Variants in ABCC6 observed in about 807,000 individuals in gnomAD.
The protein encoded by ABCC6 is ATP-binding cassette sub-family C member 6.
A neutral mutation model predicts 169.5 loss-of-function variants in ABCC6; 126 were observed. The ratio of observed to expected loss-of-function variants is 0.74; its 90% CI spans 0.64 to 0.86. The LOEUF (loss-of-function observed/expected upper bound fraction) is 0.86. Ranked by LOEUF, ABCC6 falls within the 40% of genes least tolerant of loss-of-function variation. ABCC6 has a pLI of 0.00. For missense variants in ABCC6, 1,733 were observed against 1,927.2 expected (o/e 0.90, Z 1.89); for synonymous variants, 752 against 814.7 (o/e 0.92, Z 1.31).
Position 16,186,882 on chromosome 16 carries a change from G to A in ABCC6, c.1867+242C>T, listed in dbSNP as rs376045296. 3.3e-5 allele frequency among the ~76,000 whole-genome samples: 5 copies of A among 152,124 alleles called. No homozygotes were observed. The South Asian group carries it at 1.0e-3, about 32-fold the overall frequency. ...GGACCACTGTGTTAGAGTGTTCCCT[G>A]TTGTACACCCAGGATGGTACAAAGT... On this transcript the variant is annotated intron_variant, in intron 14 of 30. Coordinates refer to ENST00000205557, the MANE Select transcript of ABCC6 (RefSeq NM_001171.6).
intron 13 of ABCC6, among the ~76,000 whole-genome samples, chr16:16,187,684 C>T (rs1214810814): frequency 6.6e-6 from 1 of 152,044 alleles, no homozygotes; most frequent in African/African-American, 2.4e-5. Flanking sequence ...TCACTTGAGG[C>T]CAGGAGTTGG....
chr16:16,164,108 G>T (rs1036877744), intron 23 of ABCC6, among the ~76,000 whole-genome samples: 2 of 151,874 alleles, frequency 1.3e-5, no homozygotes, highest in East Asian at 1.9e-4. Flanking sequence ...ATCTCAGCTC[G>T]CTGCAACCTC....
chr16:16,161,593 T>C, intron 24 of ABCC6, 29 bp from the exon 25 acceptor site: 1 of 1,613,340 alleles, frequency 6.2e-7, no homozygotes, highest in African/African-American at 1.3e-5. Flanking sequence ...GCAGGGTGAG[T>C]GGTTACTCTC....
chr16:16,178,995 G>A, intron 17 of ABCC6, 30 bp from the exon 18 acceptor site: 1 of 1,608,530 alleles, frequency 6.2e-7, no homozygotes, highest in Non-Finnish European at 8.5e-7. Context: ...AGTGGCCTGA[G>A]TCAGCATCTA....
Position 16,166,902 on chromosome 16 carries a change from A to AAAC in ABCC6, c.2996-970_2996-969insGTT, listed in dbSNP as rs1555509732. On this transcript the variant is annotated intron_variant, in intron 22 of 30. Transcript: ENST00000205557. ...GACAGAGCAAGACTCCGTCTCAGAA[A>AAAC]AAACAAACAAACAAACAAAAAAACC... 4.4e-3 allele frequency among the ~76,000 whole-genome samples: 661 copies of AAAC among 150,882 alleles called. 7 individuals are homozygous for AAAC. Among genetic ancestry groups the AAAC allele is most frequent in the African/African-American group, 0.015 (602 of 41,040 alleles).
chr16:16,201,945 T>C (rs2048248197), intron 9 of ABCC6, 56 bp downstream of exon 9: 3 of 1,606,884 alleles, frequency 1.9e-6, no homozygotes, highest in African/African-American at 1.3e-5. Context: ...TACTGCCCGC[T>C]CAGTGATACT....
intron 6 of ABCC6, among the ~76,000 whole-genome samples, chr16:16,210,737 G>A (rs891463815): frequency 2.0e-5 from 3 of 152,278 alleles, no homozygotes; most frequent in African/African-American, 7.2e-5. Flanking sequence ...GAGCTGTTTC[G>A]AAAACCTCTA....
intron 29 of ABCC6, among the ~76,000 whole-genome samples, chr16:16,153,588 C>T (rs2046450993): frequency 6.6e-6 from 1 of 152,028 alleles, no homozygotes; most frequent in South Asian, 2.1e-4. Flanking sequence ...TGTTGTGTAA[C>T]AGTGTGAATG....
In ABCC6 at chr16:16,163,030, T is replaced by C; in HGVS notation, c.3469A>G (p.Ser1157Gly). 6.2e-7 allele frequency: 1 copy of C among 1,614,068 alleles called. No individual in the cohort carries two copies. Residue 1157 changes from serine (S) to glycine (G), a missense_variant, in exon 24 of 31, where the codon AGC becomes GGC. Physicochemically the swap from Ser to Gly is moderately conservative, Grantham distance 56 (BLOSUM62 0). Transcript: ENST00000205557. ...AGTCGCGGGAAACTGATCCTCTGGC[T>C]TTCATCTACGCGAGCATTGTTCTGA... ...VAQNNARVDE[S>G]QRISFPRLVA...
chr16:16,174,186 G>A (rs2047197740), intron 20 of ABCC6, among the ~76,000 whole-genome samples: 1 of 152,126 alleles, frequency 6.6e-6, no homozygotes, highest in African/African-American at 2.4e-5. Flanking sequence ...CGTACATAGT[G>A]AACTGTAACC....
At chr16:16,187,479 A>G (rs2047686753) in intron 13 of ABCC6, among the ~76,000 whole-genome samples, 1 of 152,212 alleles carries the variant, frequency 6.6e-6, no homozygotes, top group African/African-American at 2.4e-5. Context: ...TGGGAAGAGG[A>G]TGGTGGCTTT....
chr16:16,205,477 C>G (rs1340668330), intron 7 of ABCC6, among the ~76,000 whole-genome samples: 2 of 151,710 alleles, frequency 1.3e-5, no homozygotes, highest in Non-Finnish European at 2.9e-5. Context: ...TGGCCAGACC[C>G]TTCAAGGCCA....
intron 9 of ABCC6, among the ~76,000 whole-genome samples, chr16:16,200,265 A>C (rs573040006): frequency 2.0e-3 from 302 of 151,840 alleles, no homozygotes; most frequent in South Asian, 0.014. Context: ...AACCCTGTCT[A>C]CTAAAAATAC....
Position 16,165,748 on chromosome 16 carries a change from C to G in ABCC6, c.3181G>C (p.Asp1061His). 1.2e-6 allele frequency: 2 copies of G among 1,613,772 alleles called. No homozygotes were observed. Among genetic ancestry groups the G allele is most frequent in the African/African-American group, 2.7e-5 (2 of 75,060 alleles). Residue 1061 changes from aspartate to histidine, a missense_variant, in exon 23 of 31, where the codon GAC (aspartate) becomes CAC (histidine). Physicochemically the swap from Asp to His is moderately conservative, Grantham distance 81. Coordinates refer to ENST00000205557, the MANE Select transcript of ABCC6 (RefSeq NM_001171.6). Reference protein sequence around the residue: ...ETDTVDVDIPDKLRSLLMYAF... With the variant: ...ETDTVDVDIPHKLRSLLMYAF... ...TACATCAGCAGGGACCGGAGTTTGT[C>G]TGGAATGTCCACGTCAACCGTGTCT...
chr16:16,211,615 A>T (rs1454847004), intron 6 of ABCC6, among the ~76,000 whole-genome samples: 2 of 152,150 alleles, frequency 1.3e-5, no homozygotes, highest in African/African-American at 4.8e-5. Flanking sequence ...ATTCAAATCC[A>T]TATGTCAGGT....
Position 16,169,673 on chromosome 16 carries a change from T to G in ABCC6, c.2968A>C (p.Ile990Leu). The G allele has an allele frequency of 6.2e-7, 1 of 1,610,940 alleles. No individual in the cohort carries two copies. Among genetic ancestry groups the G allele is most frequent in the Non-Finnish European group, 8.5e-7 (1 of 1,179,648 alleles). ...QQTQAALRGGIFGLLGCLQAI... is the reference protein window; with the variant it reads ...QQTQAALRGGLFGLLGCLQAI... ...TGGAGACAGCCGAGGAGCCCGAAGA[T>G]CCCGCCACGCAGGGCTGCCTGCGTC... The change falls in exon 22 of 31, where the codon ATC (isoleucine) becomes CTC (leucine). Residue 990 changes from isoleucine (I) to leucine (L), a missense_variant. Transcript: ENST00000205557.
intron 5 of ABCC6, among the ~76,000 whole-genome samples, chr16:16,213,873 ATTTG>A (rs1437161644): frequency 1.4e-5 from 2 of 147,922 alleles, no homozygotes; most frequent in Non-Finnish European, 3.0e-5. Flanking sequence ...TTTTCAACAT[ATTTG>A]TTTAATTTTG....
intron 29 of ABCC6, 67 bp downstream of exon 29, chr16:16,154,561 T>C (rs2046478567): frequency 1.3e-6 from 2 of 1,599,954 alleles, no homozygotes; most frequent in Admixed American, 1.7e-5. Context: ...CTGAAGGCCC[T>C]TGGGGAGGGC....
At chr16:16,169,151 T>C (rs949103151) in intron 22 of ABCC6, among the ~76,000 whole-genome samples, 2 of 152,328 alleles carry the variant, frequency 1.3e-5, no homozygotes, top group African/African-American at 4.8e-5. Context: ...TCAGGATCCT[T>C]TGTGTGATAC....
Sources: gnomAD v4.1 joint callset for allele counts (sites outside exome capture counted in the v4.1 genomes callset) on GRCh38, gnomAD v4.1.1 for gene constraint, MANE v1.5 for transcripts, NCBI Gene and HGNC (gene_info 2026-07-23, HGNC 2026-07-21) for gene names.